CRIM1: variants seen among roughly 807,000 people sequenced by gnomAD.
CRIM1 encodes cysteine rich transmembrane BMP regulator 1, also known as cysteine-rich motor neuron 1 protein.
A neutral mutation model predicts 116.4 loss-of-function variants in CRIM1; 32 were observed. That is an observed-to-expected ratio of 0.27 (90% confidence interval 0.21 to 0.37). CRIM1 has a LOEUF of 0.37. CRIM1 is among the 10% of genes least tolerant of loss of function. The pLI is 1.00. For missense variants in CRIM1, 1,331 were observed against 1,354.8 expected (o/e 0.98, Z 0.28); for synonymous variants, 590 against 509.2 (o/e 1.16, Z -2.13).
At chr2:36,547,977 C>G (rs1041045673) in intron 16 of CRIM1, among the ~76,000 whole-genome samples, 10 of 152,222 alleles carry the variant, frequency 6.6e-5, no homozygotes, top group African/African-American at 2.4e-4. Context: ...AAATTCTGTC[C>G]TGCGGTTATC....
intron 2 of CRIM1, among the ~76,000 whole-genome samples, chr2:36,439,847 T>C (rs760168014): frequency 2.0e-5 from 3 of 152,198 alleles, no homozygotes; most frequent in African/African-American, 2.4e-5. Flanking sequence ...TTGTTACTTA[T>C]GTTCTGTCAT....
At chr2:36,407,758 A>G (rs560305452) in intron 2 of CRIM1, among the ~76,000 whole-genome samples, 145 of 152,228 alleles carry the variant, frequency 9.5e-4, no homozygotes, top group African/African-American at 3.3e-3. Context: ...CCAGTTACCA[A>G]CAGGAGTGTG....
chr2:36,393,123 G>A (rs1399694778), intron 1 of CRIM1, among the ~76,000 whole-genome samples: 1 of 152,184 alleles, frequency 6.6e-6, no homozygotes, highest in East Asian at 1.9e-4. Flanking sequence ...CCAATTAGCT[G>A]TGAGATGGGC....
chr2:36,361,048 T>C (rs1419979137), intron 1 of CRIM1, among the ~76,000 whole-genome samples: 2 of 152,066 alleles, frequency 1.3e-5, no homozygotes, highest in East Asian at 3.9e-4. Flanking sequence ...AAGTAAATAT[T>C]GGCAAAACAT....
chr2:36,399,964 A>C (rs1672297530), intron 2 of CRIM1, among the ~76,000 whole-genome samples: 1 of 152,206 alleles, frequency 6.6e-6, no homozygotes, highest in African/African-American at 2.4e-5. Context: ...GTTAGTGGTT[A>C]TGCCTTTGAA....
intron 2 of CRIM1, among the ~76,000 whole-genome samples, chr2:36,398,651 G>T (rs149289996): frequency 8.5e-5 from 13 of 152,248 alleles, no homozygotes; most frequent in African/African-American, 3.1e-4. Flanking sequence ...TGGCTTCTAT[G>T]TAATCCAAAT....
chr2:36,371,083 G>A (rs1471758113), intron 1 of CRIM1, among the ~76,000 whole-genome samples: 1 of 152,130 alleles, frequency 6.6e-6, no homozygotes, highest in African/African-American at 2.4e-5. Context: ...CAAAGACTTG[G>A]CCAGCAACTA....
At position 36,379,439 on chromosome 2, in the gene CRIM1, T is replaced by C. The variant is rs80074085; in HGVS notation, c.332-17175T>C. On this transcript the variant is annotated intron_variant, in intron 1 of 16. Transcript: ENST00000280527. Reference sequence around the variant, plus strand: ...TATGAGCCATCTGATTTGCTTCTGCTGTAGTTCCACACTCTGCTGGGGTAC... The same window carrying C: ...TATGAGCCATCTGATTTGCTTCTGCCGTAGTTCCACACTCTGCTGGGGTAC... 5.1e-3 allele frequency among the ~76,000 whole-genome samples: 784 copies of C among 152,368 alleles called. 3 individuals carry two copies. The highest frequency in any genetic ancestry group is 0.017 in the African/African-American group (706 of 41,584).
In CRIM1 at chr2:36,392,039, A is replaced by C. The variant is rs570451507; in HGVS notation, c.332-4575A>C. On this transcript the variant is annotated intron_variant, in intron 1 of 16. Transcript: ENST00000280527. ...ATACATCTTATTAATGTTCTGTGGG[A>C]TGAAATGGGAAATACACATAAAGTA... 2.0e-5 allele frequency among the ~76,000 whole-genome samples: 3 copies of C among 152,312 alleles called. No individual in the cohort carries two copies. In the South Asian group the frequency reaches 6.2e-4, roughly 32 times the overall value.
In CRIM1 at chr2:36,442,751, G is replaced by T. The variant is rs1675956133; in HGVS notation, c.869+16G>T. 6.2e-7 allele frequency: 1 copy of T among 1,613,874 alleles called. No homozygotes were observed. The highest frequency in any genetic ancestry group is 1.3e-5 in the African/African-American group (1 of 74,906). On this transcript the variant is annotated intron_variant, in intron 4 of 16. Coordinates refer to ENST00000280527, the MANE Select transcript of CRIM1 (RefSeq NM_016441.3). ...TGCCAACAAGGTTAGTTTGCCATTA[G>T]TTTGTCAAGTTTTCTCCTCATTTGT...
rs1667597633 is a variant in CRIM1 at position 36,549,491 on chromosome 2, G to GTGAC, written c.*791_*794dup. On this transcript the variant is annotated 3_prime_UTR_variant, in exon 17 of 17. Transcript: ENST00000280527. ...ACTGGAGCTTTTTTTTTTTTACAAC[G>GTGAC]TGACAGGAAGAGGAGGGAGAGGGTG... is the stretch of plus-strand genomic sequence containing the variant. 1 of 150,980 alleles carries GTGAC rather than the reference G, an allele frequency of 6.6e-6. No individual in the cohort carries two copies. Among genetic ancestry groups the GTGAC allele is most frequent in the South Asian group, 2.1e-4 (1 of 4,778 alleles). 9.4% of individuals were successfully genotyped at this position (150,980 alleles called of 1,614,324 possible). A position where few individuals can be genotyped will look rare whatever the true frequency, so the allele number is the denominator to read the frequency against.
chr2:36,535,305 G>T (rs1235672681), intron 13 of CRIM1, among the ~76,000 whole-genome samples: 1 of 152,164 alleles, frequency 6.6e-6, no homozygotes, highest in Non-Finnish European at 1.5e-5. Context: ...GGATGATTCT[G>T]TTCAGCCAAT....
rs1558561155 is a variant in CRIM1, at chr2:36,417,627, A to G, written c.505+20840A>G. On this transcript the variant is annotated intron_variant, in intron 2 of 16. Transcript: ENST00000280527. ...TCTCCACTGCATCTCTGAGATCTTA[A>G]AAACAATAATATGAAGATCCAGAAT... 3.3e-5 allele frequency among the ~76,000 whole-genome samples: 5 copies of G among 152,138 alleles called. No individual in the cohort carries two copies. In the South Asian group the frequency reaches 1.0e-3, roughly 32 times the overall value.
chr2:36,548,511 C>T lies in CRIM1; in HGVS notation c.2935-14C>T. 1 of 1,537,488 alleles carries T rather than the reference C, an allele frequency of 6.5e-7. No individual in the cohort carries two copies. Among genetic ancestry groups the T allele is most frequent in the Non-Finnish European group, 8.7e-7 (1 of 1,146,602 alleles). On this transcript the variant is annotated splice_polypyrimidine_tract_variant and intron_variant, in intron 16 of 16. Coordinates refer to ENST00000280527, the MANE Select transcript of CRIM1 (RefSeq NM_016441.3). ...CTAATTTTTTGTGGTTTTATTCCTC[C>T]TCTCATTAAATAGCCTTCTTCCTTA...
chr2:36,449,359 C>T (rs1004439219), intron 4 of CRIM1, among the ~76,000 whole-genome samples: 1 of 152,180 alleles, frequency 6.6e-6, no homozygotes, highest in Non-Finnish European at 1.5e-5. Flanking sequence ...TGGGCTCACT[C>T]ACCACCAGGC....
intron 1 of CRIM1, among the ~76,000 whole-genome samples, chr2:36,383,802 G>GA (rs544292543): frequency 7.4e-4 from 112 of 151,936 alleles, no homozygotes; most frequent in African/African-American, 2.3e-3. Flanking sequence ...TAGACCGGAG[G>GA]AAAAAAAAGT....
At chr2:36,537,860 T>A (rs1238257442) in intron 14 of CRIM1, among the ~76,000 whole-genome samples, 1 of 152,224 alleles carries the variant, frequency 6.6e-6, no homozygotes, top group Non-Finnish European at 1.5e-5. Flanking sequence ...AGTGCAGTGT[T>A]GGACTAGCCT....
At chr2:36,427,399 C>A (rs937685525) in intron 2 of CRIM1, among the ~76,000 whole-genome samples, 2 of 152,084 alleles carry the variant, frequency 1.3e-5, no homozygotes, top group Non-Finnish European at 2.9e-5. Context: ...AACTTCCCCT[C>A]ATAAAACCAA....
At chr2:36,412,310 G>C (rs556755057) in intron 2 of CRIM1, among the ~76,000 whole-genome samples, 1 of 144,816 alleles carries the variant, frequency 6.9e-6, no homozygotes, top group South Asian at 2.2e-4. Flanking sequence ...ACGGAATACC[G>C]AGGACAAAGG....
Sources: allele counts gnomAD v4.1 joint callset (sites outside exome capture counted in the v4.1 genomes callset), GRCh38; gene constraint gnomAD v4.1.1; transcripts MANE v1.5; gene names NCBI Gene and HGNC (gene_info 2026-07-23, HGNC 2026-07-21).